The following LAMA2 variants were observed in gnomAD, a reference collection of about 807,000 sequenced individuals.
LAMA2 encodes the protein laminin subunit alpha 2, also known as laminin subunit alpha-2.
A neutral mutation model predicts 364.8 loss-of-function variants in LAMA2; 269 were observed. The observed-to-expected ratio is 0.74, with a 90% CI of 0.67 to 0.82. The LOEUF is 0.82. Ranked by LOEUF, LAMA2 falls within the 40% of genes least tolerant of loss-of-function variation. The pLI, the probability that LAMA2 is intolerant of heterozygous loss-of-function variation, is 0.00. For missense variants in LAMA2, 3,807 were observed against 3,873.2 expected, an observed-to-expected ratio of 0.98 and a Z score of 0.45; for synonymous variants, 1,379 against 1,370.6, an observed-to-expected ratio of 1.01 and a Z score of -0.14.
chr6:129,029,494 C>G (rs575536616), intron 1 of LAMA2, among the ~76,000 whole-genome samples: 1 of 151,950 alleles, frequency 6.6e-6, no homozygotes, highest in South Asian at 2.1e-4. Flanking sequence ...GGACATCTTA[C>G]TTATAGTCAG....
intron 12 of LAMA2, among the ~76,000 whole-genome samples, chr6:129,203,823 T>C (rs1782449566): frequency 6.6e-6 from 1 of 152,168 alleles, no homozygotes. Context: ...CTTGGACATA[T>C]CCCTTAATCT....
chr6:129,234,313 A>G (rs1784852464), intron 12 of LAMA2, among the ~76,000 whole-genome samples: 1 of 152,202 alleles, frequency 6.6e-6, no homozygotes, highest in African/African-American at 2.4e-5. Flanking sequence ...AATACCACAC[A>G]TAGATGAAAA....
intron 11 of LAMA2, among the ~76,000 whole-genome samples, chr6:129,191,523 T>G (rs1184678708): frequency 6.6e-6 from 1 of 152,224 alleles, no homozygotes; most frequent in African/African-American, 2.4e-5. Flanking sequence ...GGGGCAGAGC[T>G]GGTACTCAAG....
intron 16 of LAMA2, among the ~76,000 whole-genome samples, chr6:129,269,817 C>A (rs2114353916): frequency 6.6e-6 from 1 of 152,164 alleles, no homozygotes; most frequent in South Asian, 2.1e-4. Context: ...CACATTAAAT[C>A]CCAATATACT....
chr6:129,297,639 A>C, intron 20 of LAMA2, 46 bp from the exon 21 acceptor site: 46 of 1,540,186 alleles, frequency 3.0e-5, no homozygotes, highest in Non-Finnish European at 3.6e-5. Context: ...CTTCACTTCG[A>C]GTTAACTGAT....
chr6:129,213,314 A>C (rs1783215225), intron 12 of LAMA2, among the ~76,000 whole-genome samples: 1 of 152,238 alleles, frequency 6.6e-6, no homozygotes, highest in Admixed American at 6.5e-5. Context: ...TGTTCTGGCA[A>C]TATGAATCAA....
chr6:129,042,189 CA>C (rs1440959466), intron 1 of LAMA2, among the ~76,000 whole-genome samples: 5 of 151,834 alleles, frequency 3.3e-5, no homozygotes, highest in Non-Finnish European at 7.4e-5. Context: ...CCTGTAATCC[CA>C]GCTACTCGGG....
At chr6:128,931,099 A>T (rs1779446723) in intron 1 of LAMA2, among the ~76,000 whole-genome samples, 11 of 152,242 alleles carry the variant, frequency 7.2e-5, no homozygotes, top group African/African-American at 2.7e-4. Flanking sequence ...ACTTATAAGT[A>T]AGCCAGATTT....
intron 51 of LAMA2, among the ~76,000 whole-genome samples, chr6:129,470,572 C>T (rs982045109): frequency 1.3e-5 from 2 of 151,808 alleles, no homozygotes; most frequent in Non-Finnish European, 2.9e-5. Context: ...AGCCAGAGAG[C>T]TTGACATTAT....
rs768618780 is a variant in LAMA2, at chr6:129,507,580, G to C, written c.8795G>C (p.Gly2932Ala). ...LEQPTSSFHV[G>A]TCFANAQRGT... ...CAACCCACCTCCAGCTTCCATGTTG[G>C]GACATGTTTTGCAAATGCTCAGAGG... The change falls in exon 62 of 65, where the codon GGG (glycine) becomes GCG (alanine). Residue 2932 changes from glycine to alanine, a missense_variant. By Grantham distance (60) the Gly-to-Ala change is moderately conservative (BLOSUM62 0). Transcript: ENST00000421865. 2.5e-6 allele frequency: 4 copies of C among 1,614,158 alleles called. No homozygotes were observed. The highest frequency in any genetic ancestry group is 2.2e-5 in the East Asian group (1 of 44,878).
chr6:129,081,450 A>G (rs1252434869), intron 3 of LAMA2, among the ~76,000 whole-genome samples: 2 of 152,226 alleles, frequency 1.3e-5, no homozygotes, highest in Non-Finnish European at 2.9e-5. Context: ...GATTTTTTCC[A>G]AATGTTTTGA....
rs1049535028 is a variant in LAMA2 at position 129,457,338 on chromosome 6, T to C, written c.6867+844T>C. On this transcript the variant is annotated intron_variant, in intron 48 of 64. Coordinates refer to ENST00000421865, the MANE Select transcript of LAMA2 (RefSeq NM_000426.4). The stretch of plus-strand genomic sequence containing the variant: ...TCTTAGAACTTCATATAAATGTATA[T>C]GGTACATAGTAATATATAGTCATAT... Among the ~76,000 whole-genome samples the C allele has an allele frequency of 2.0e-5, 3 of 152,116 alleles. No homozygotes were observed. In the South Asian group the frequency reaches 6.2e-4, roughly 32 times the overall value.
At chr6:129,077,025 G>C (rs1773708208) in intron 3 of LAMA2, among the ~76,000 whole-genome samples, 1 of 151,972 alleles carries the variant, frequency 6.6e-6, no homozygotes, top group South Asian at 2.1e-4. Flanking sequence ...AAGCAAAGAT[G>C]AATAATCTTC....
intron 63 of LAMA2, among the ~76,000 whole-genome samples, chr6:129,513,691 T>C (rs1395347102): frequency 6.6e-6 from 1 of 152,202 alleles, no homozygotes; most frequent in Admixed American, 6.5e-5. Flanking sequence ...AAGAATTCTG[T>C]CATCTCAAAT....
chr6:129,319,954 G>A (rs1036752664), intron 27 of LAMA2, among the ~76,000 whole-genome samples: 2 of 152,090 alleles, frequency 1.3e-5, no homozygotes, highest in African/African-American at 4.8e-5. Flanking sequence ...CCAACATGAT[G>A]AAACCCAGTT....
intron 8 of LAMA2, among the ~76,000 whole-genome samples, chr6:129,157,063 A>G (rs1224241405): frequency 6.6e-6 from 1 of 152,190 alleles, no homozygotes; most frequent in Non-Finnish European, 1.5e-5. Context: ...CAAACACATC[A>G]TCATCTATAG....
At chr6:129,219,831 GT>G (rs1783694432) in intron 12 of LAMA2, among the ~76,000 whole-genome samples, 1 of 147,014 alleles carries the variant, frequency 6.8e-6, no homozygotes, top group Admixed American at 6.8e-5. Flanking sequence ...CTGTTGTGGG[GT>G]GGGGGGGAGG....
intron 45 of LAMA2, 69 bp from the exon 46 acceptor site, chr6:129,452,919 T>G: frequency 7.4e-7 from 1 of 1,357,030 alleles, no homozygotes; most frequent in Non-Finnish European, 1.0e-6. Flanking sequence ...GCTTTGTGGT[T>G]GTATGGAAGC....
At position 129,087,035 on chromosome 6, in the gene LAMA2, C is replaced by G. The variant is rs368754797; in HGVS notation, c.397-11138C>G. 8.5e-5 allele frequency among the ~76,000 whole-genome samples: 13 copies of G among 152,262 alleles called. No homozygotes were observed. The South Asian group carries it at 1.0e-3, about 12-fold the overall frequency. On this transcript the variant is annotated intron_variant, in intron 3 of 64. Coordinates refer to ENST00000421865, the MANE Select transcript of LAMA2 (RefSeq NM_000426.4). ...GCCTCCCTCTTATACTTTTCAGGACCCTTATGATTACATTGAGCCCAGTGG... is the reference window on the plus strand; with the variant it reads ...GCCTCCCTCTTATACTTTTCAGGACGCTTATGATTACATTGAGCCCAGTGG...
Sources: gnomAD v4.1 joint callset for allele counts (sites outside exome capture counted in the v4.1 genomes callset) on GRCh38, gnomAD v4.1.1 for gene constraint, MANE v1.5 for transcripts, NCBI Gene and HGNC (gene_info 2026-07-23, HGNC 2026-07-21) for gene names.